SNTG2: variants seen among roughly 807,000 people sequenced by gnomAD.
SNTG2 encodes gamma-2-syntrophin.
SNTG2 carries 74 observed loss-of-function variants against 70.9 expected under a neutral mutation model. The ratio of observed to expected loss-of-function variants is 1.04; its 90% CI spans 0.86 to 1.27. The LOEUF (loss-of-function observed/expected upper bound fraction) is 1.27, where lower values mean the gene tolerates loss of function less well. Among genes scored for constraint, SNTG2 ranks in the 50% most tolerant of loss-of-function variants. SNTG2 has a pLI of 0.00. For synonymous variants in SNTG2, 278 were observed against 273.8 expected (o/e 1.02, Z -0.15); for missense variants, 717 against 690.7 (o/e 1.04, Z -0.43).
intron 14 of SNTG2, among the ~76,000 whole-genome samples, chr2:1,295,829 G>A (rs1426097365): frequency 2.6e-5 from 4 of 151,708 alleles, no homozygotes; most frequent in Admixed American, 1.3e-4. Context: ...CACTGTAGAA[G>A]GCCGAGTCTC....
At chr2:1,184,610 A>G (rs866274763) in intron 8 of SNTG2, among the ~76,000 whole-genome samples, 3 of 152,206 alleles carry the variant, frequency 2.0e-5, no homozygotes, top group South Asian at 2.1e-4. Context: ...TCACATGGCC[A>G]GAGCAGGAGG....
intron 9 of SNTG2, among the ~76,000 whole-genome samples, chr2:1,230,034 G>C (rs985335100): frequency 1.3e-5 from 2 of 152,206 alleles, no homozygotes; most frequent in Admixed American, 1.3e-4. Flanking sequence ...AGCCCAGAGA[G>C]GGGCTCCCAC....
intron 6 of SNTG2, among the ~76,000 whole-genome samples, chr2:1,159,186 C>T (rs186602243): frequency 1.3e-5 from 2 of 148,572 alleles, no homozygotes; most frequent in East Asian, 4.0e-4. Flanking sequence ...TGTGGAATTA[C>T]GTCTGAATGT....
At chr2:1,216,270 C>T (rs1674386184) in intron 9 of SNTG2, among the ~76,000 whole-genome samples, 1 of 152,146 alleles carries the variant, frequency 6.6e-6, no homozygotes, top group African/African-American at 2.4e-5. Context: ...GATGGTATCT[C>T]ATTGTGGTTT....
chr2:1,320,763 T>C (rs766620809), intron 16 of SNTG2, among the ~76,000 whole-genome samples: 2 of 152,102 alleles, frequency 1.3e-5, no homozygotes, highest in African/African-American at 2.4e-5. Context: ...TCCTGTGCTG[T>C]TTGTTATTCA....
At chr2:1,093,251 C>A (rs934692889) in intron 2 of SNTG2, among the ~76,000 whole-genome samples, 1 of 152,100 alleles carries the variant, frequency 6.6e-6, no homozygotes, top group East Asian at 1.9e-4. Context: ...ATTGAGGCAG[C>A]GGACTGTTTT....
intron 2 of SNTG2, among the ~76,000 whole-genome samples, chr2:1,093,217 T>G (rs1294485296): frequency 6.6e-6 from 1 of 152,102 alleles, no homozygotes; most frequent in African/African-American, 2.4e-5. Context: ...GTCCTTGACT[T>G]TAAGGGGTAT....
At chr2:1,317,627 T>C (rs111357570) in intron 16 of SNTG2, among the ~76,000 whole-genome samples, 118 of 53,334 alleles carry the variant, frequency 2.2e-3, no homozygotes, top group South Asian at 4.8e-3. Context: ...TAGCATCAGG[T>C]CAGCATTGGA....
intron 1 of SNTG2, among the ~76,000 whole-genome samples, chr2:1,071,517 G>T (rs1186505371): frequency 8.5e-6 from 1 of 117,360 alleles, no homozygotes; most frequent in Non-Finnish European, 1.7e-5. Flanking sequence ...GGGGGGAGGG[G>T]GGAGGGATAG....
At chr2:1,362,110 T>G (rs78162901) in intron 16 of SNTG2, among the ~76,000 whole-genome samples, 1 of 25,794 alleles carries the variant, frequency 3.9e-5, no homozygotes, top group Non-Finnish European at 8.3e-5. Context: ...TGAAAGTCAC[T>G]GATGCTGAGC....
At chr2:1,157,814 C>T (rs926563007) in intron 6 of SNTG2, among the ~76,000 whole-genome samples, 3 of 152,130 alleles carry the variant, frequency 2.0e-5, no homozygotes, top group African/African-American at 4.8e-5. Context: ...CAGCCTGCCC[C>T]GCGGGTGATA....
rs1256454411 is a variant in SNTG2, at chr2:1,353,216, G to A, written c.1489-14127G>A. Among the ~76,000 whole-genome samples, 1 of 152,140 alleles carries A rather than the reference G, an allele frequency of 6.6e-6. No homozygotes were observed. Among genetic ancestry groups the A allele is most frequent in the Non-Finnish European group, 1.5e-5 (1 of 68,026 alleles). On this transcript the variant is annotated intron_variant, in intron 16 of 16. Transcript: ENST00000308624. This position sits in a 1 kb window ranked among gnomAD's most constrained non-coding sequence, Gnocchi z 4.2. ...GCCCCCTCCATCCCCAGGACAGCCA[G>A]GTCACCTGTACACCACCTCCCGCCC... is the stretch of plus-strand genomic sequence containing the variant.
intron 4 of SNTG2, among the ~76,000 whole-genome samples, 181 bp from the exon 5 acceptor site, chr2:1,137,441 C>T (rs1668464663): frequency 6.6e-6 from 1 of 151,962 alleles, no homozygotes; most frequent in African/African-American, 2.4e-5. Context: ...CACACACATG[C>T]ATACATTCAC....
chr2:1,030,713 A>G (rs1660766751), intron 1 of SNTG2, among the ~76,000 whole-genome samples: 1 of 152,190 alleles, frequency 6.6e-6, no homozygotes, highest in African/African-American at 2.4e-5. Context: ...AAGTAAAAAT[A>G]TGTTGGCAAC....
intron 1 of SNTG2, among the ~76,000 whole-genome samples, chr2:1,006,944 G>A (rs1659590863): frequency 4.6e-5 from 7 of 152,026 alleles, no homozygotes; most frequent in Admixed American, 3.3e-4. Flanking sequence ...CAGGAGAATC[G>A]CTTGAACCTG....
chr2:1,279,106 T>C (rs966856016), intron 14 of SNTG2, among the ~76,000 whole-genome samples: 1 of 144,744 alleles, frequency 6.9e-6, no homozygotes, highest in African/African-American at 2.6e-5. Context: ...GAATCACCCC[T>C]GTCAGCGCGC....
At chr2:1,021,249 T>C (rs1163737150) in intron 1 of SNTG2, among the ~76,000 whole-genome samples, 5 of 152,198 alleles carry the variant, frequency 3.3e-5, no homozygotes, top group African/African-American at 1.2e-4. Flanking sequence ...GACAGTTAAA[T>C]AGACCCAAAT....
intron 14 of SNTG2, among the ~76,000 whole-genome samples, chr2:1,294,550 G>A (rs1200057236): frequency 6.6e-6 from 1 of 152,176 alleles, no homozygotes; most frequent in African/African-American, 2.4e-5. Context: ...TTAAAAAGTA[G>A]AAACTGGTTA....
intron 16 of SNTG2, among the ~76,000 whole-genome samples, chr2:1,322,376 A>G (rs1168382441): frequency 6.6e-6 from 1 of 152,116 alleles, no homozygotes; most frequent in Non-Finnish European, 1.5e-5. Flanking sequence ...AGGAGGGAAA[A>G]TCCACATCCC....
Sources: allele counts gnomAD v4.1 joint callset (sites outside exome capture counted in the v4.1 genomes callset), GRCh38; gene constraint gnomAD v4.1.1; non-coding constraint Gnocchi (gnomAD v3.1); transcripts MANE v1.5; gene names NCBI Gene and HGNC (gene_info 2026-07-23, HGNC 2026-07-21).